Variants in PKN2 observed in about 807,000 individuals in gnomAD.
PKN2 encodes protein kinase N2.
In PKN2, 38 loss-of-function variants were observed where a neutral mutation model predicts 119.1. The ratio of observed to expected loss-of-function variants is 0.32; its 90% CI spans 0.25 to 0.42. PKN2 has a LOEUF of 0.42. Ranked by LOEUF, PKN2 falls within the 10% of genes least tolerant of loss-of-function variation. PKN2 has a pLI of 1.00. For missense variants in PKN2, 850 were observed against 1,165.1 expected (o/e 0.73, Z 3.94); for synonymous variants, 390 against 384.9 (o/e 1.01, Z -0.15).
chr1:88,731,225 G>A (rs993727849), intron 1 of PKN2, among the ~76,000 whole-genome samples: 1 of 152,150 alleles, frequency 6.6e-6, no homozygotes, highest in South Asian at 2.1e-4. Context: ...AGGATAATAC[G>A]CTTGAATTGG....
chr1:88,787,132 T>C (rs1391483961), intron 8 of PKN2, among the ~76,000 whole-genome samples: 1 of 151,930 alleles, frequency 6.6e-6, no homozygotes, highest in African/African-American at 2.4e-5. Context: ...GCATTGCCGG[T>C]ACATTTAAGC....
intron 3 of PKN2, among the ~76,000 whole-genome samples, chr1:88,770,036 T>C (rs1304145125): frequency 2.0e-5 from 3 of 152,208 alleles, no homozygotes; most frequent in African/African-American, 7.2e-5. Flanking sequence ...TTTCACTATA[T>C]GTATGCATAC....
Position 88,806,933 on chromosome 1 carries a change from C to T in PKN2, c.1804-380C>T, listed in dbSNP as rs933093223. Among the ~76,000 whole-genome samples the T allele has an allele frequency of 4.0e-5, 6 of 151,336 alleles. No individual in the cohort carries two copies. In the East Asian group the frequency reaches 9.9e-4, roughly 25 times the overall value. On this transcript the variant is annotated intron_variant, in intron 12 of 21. Transcript: ENST00000370521. ...GGGTTTCTCCATGTTGGTCAGGCTG[C>T]TCTTGAACTCCTGATCTCAGGTGAG...
intron 19 of PKN2, chr1:88,829,297 A>G: frequency 1.6e-6 from 1 of 623,000 alleles, no homozygotes; most frequent in Non-Finnish European, 3.1e-6. Context: ...TGAGAGAGAT[A>G]CCTTCACATG....
chr1:88,714,131 A>G (rs950855802), intron 1 of PKN2, among the ~76,000 whole-genome samples: 2 of 151,934 alleles, frequency 1.3e-5, no homozygotes, highest in African/African-American at 2.4e-5. Context: ...GTTCTGTTCC[A>G]TTTGTCTATA....
chr1:88,820,778 CAT>C (rs1279050315), intron 16 of PKN2, among the ~76,000 whole-genome samples: 2 of 151,994 alleles, frequency 1.3e-5, no homozygotes, highest in African/African-American at 4.8e-5. Flanking sequence ...AGAAAATATT[CAT>C]GTTATTACTT....
At chr1:88,743,082 C>T (rs941808768) in intron 2 of PKN2, among the ~76,000 whole-genome samples, 14 of 151,918 alleles carry the variant, frequency 9.2e-5, no homozygotes, top group South Asian at 6.2e-4. Flanking sequence ...TCCAGCTACT[C>T]GGAAGGCTGA....
At chr1:88,691,607 A>T (rs1666337790) in intron 1 of PKN2, among the ~76,000 whole-genome samples, 1 of 152,090 alleles carries the variant, frequency 6.6e-6, no homozygotes, top group Non-Finnish European at 1.5e-5. Flanking sequence ...CTCTCTCAAA[A>T]CAAGCTAGGA....
At position 88,797,280 on chromosome 1, in the gene PKN2, G is replaced by A. The variant is rs181372146; in HGVS notation, c.1282-7111G>A. 5.3e-3 allele frequency among the ~76,000 whole-genome samples: 801 copies of A among 151,472 alleles called. 8 individuals carry two copies. Among genetic ancestry groups the A allele is most frequent in the African/African-American group, 0.019 (779 of 41,250 alleles). On this transcript the variant is annotated intron_variant, in intron 8 of 21. Coordinates refer to ENST00000370521, the MANE Select transcript of PKN2 (RefSeq NM_006256.4). ...ACCTGGGAGGCGGAGGTTGCGGTGA[G>A]CTGAGGTTGCACCATTGCACTCCAG...
chr1:88,829,126 A>G (rs914095924), intron 19 of PKN2: 7 of 733,942 alleles, frequency 9.5e-6, no homozygotes, highest in African/African-American at 3.5e-5. Context: ...GAGAAAACCT[A>G]TGGTAGCTGT....
intron 2 of PKN2, among the ~76,000 whole-genome samples, chr1:88,756,046 G>A (rs1669186471): frequency 6.6e-6 from 1 of 151,652 alleles, no homozygotes; most frequent in Non-Finnish European, 1.5e-5. Flanking sequence ...CTAGTATCTG[G>A]GACTACAGAC....
intron 16 of PKN2, among the ~76,000 whole-genome samples, chr1:88,821,065 C>T (rs1672270900): frequency 6.6e-6 from 1 of 152,186 alleles, no homozygotes; most frequent in African/African-American, 2.4e-5. Context: ...ACAAAGTCAA[C>T]CTGTCAAATG....
intron 1 of PKN2, among the ~76,000 whole-genome samples, chr1:88,703,850 T>A (rs1031274837): frequency 6.6e-6 from 1 of 152,184 alleles, no homozygotes; most frequent in African/African-American, 2.4e-5. Context: ...GAATTGATTC[T>A]AGAACCAAGA....
intron 1 of PKN2, among the ~76,000 whole-genome samples, chr1:88,702,974 A>G (rs1666832642): frequency 6.6e-6 from 1 of 152,190 alleles, no homozygotes; most frequent in African/African-American, 2.4e-5. Context: ...AAAATATACT[A>G]AAGTCCCTGT....
intron 1 of PKN2, among the ~76,000 whole-genome samples, chr1:88,689,095 G>A (rs1314801813): frequency 1.3e-5 from 2 of 152,170 alleles, no homozygotes; most frequent in Admixed American, 6.5e-5. Context: ...GAGTTGGGAG[G>A]ATTAAAATTT....
At position 88,787,111 on chromosome 1, in the gene PKN2, T is replaced by A. The variant is rs367700171; in HGVS notation, c.1281+898T>A. 8.6e-5 allele frequency among the ~76,000 whole-genome samples: 13 copies of A among 151,938 alleles called. No homozygotes were observed. The East Asian group carries it at 9.7e-4, about 11-fold the overall frequency. ...GATGAAAAACCAAGAGTAGTATATG[T>A]AAAATACCTTGCATTGCCGGTACAT... On this transcript the variant is annotated intron_variant, in intron 8 of 21. Transcript: ENST00000370521.
At chr1:88,768,879 G>C (rs1018513957) in intron 3 of PKN2, among the ~76,000 whole-genome samples, 1 of 152,198 alleles carries the variant, frequency 6.6e-6, no homozygotes. Context: ...TGCTTCTGTT[G>C]AGGGCCTCAG....
At chr1:88,693,100 C>T (rs1237388931) in intron 1 of PKN2, among the ~76,000 whole-genome samples, 1 of 152,150 alleles carries the variant, frequency 6.6e-6, no homozygotes, top group Non-Finnish European at 1.5e-5. Flanking sequence ...AAAAATTATA[C>T]ATACACTTCA....
In PKN2 at chr1:88,775,122, G is replaced by A. The variant is rs550908181; in HGVS notation, c.985+3243G>A. Reference sequence around the variant, plus strand: ...TGGGAGTACAGGTGCACACCACCACGCTCAGCTTATTTTATTTTTTTTGTA... The same window carrying A: ...TGGGAGTACAGGTGCACACCACCACACTCAGCTTATTTTATTTTTTTTGTA... On this transcript the variant is annotated intron_variant, in intron 6 of 21. Coordinates refer to ENST00000370521, the MANE Select transcript of PKN2 (RefSeq NM_006256.4). Among the ~76,000 whole-genome samples, 9 of 151,794 alleles carry A rather than the reference G, an allele frequency of 5.9e-5. 1 individual carries two copies. The South Asian group carries it at 1.9e-3, about 32-fold the overall frequency.
Sources: allele counts gnomAD v4.1 joint callset (sites outside exome capture counted in the v4.1 genomes callset), GRCh38; gene constraint gnomAD v4.1.1; transcripts MANE v1.5; gene names NCBI Gene and HGNC (gene_info 2026-07-23, HGNC 2026-07-21).